GPHN: variants seen among roughly 807,000 people sequenced by gnomAD.
GPHN encodes the protein gephyrin.
Under a neutral mutation model 95.5 loss-of-function variants are expected in GPHN, and 17 were observed. The ratio of observed to expected loss-of-function variants is 0.18; its 90% CI spans 0.12 to 0.27. The LOEUF is 0.27. Among genes scored for constraint, GPHN ranks in the 10% least tolerant of loss-of-function variants. GPHN has a pLI of 1.00. For synonymous variants in GPHN, 320 were observed against 322.5 expected, an observed-to-expected ratio of 0.99 and a Z score of 0.08; for missense variants, 660 against 978.1, an observed-to-expected ratio of 0.67 and a Z score of 4.34.
chr14:67,285,354 T>C, the GPHN span, among the ~76,000 whole-genome samples: 1 of 151,500 alleles, frequency 6.6e-6, no homozygotes, highest in Non-Finnish European at 1.5e-5. Context: ...CAGATGGAGA[T>C]TCCTTAGGTA....
At chr14:67,361,257 G>A in the GPHN span, among the ~76,000 whole-genome samples, 2 of 152,196 alleles carry the variant, frequency 1.3e-5, 1 homozygote, top group South Asian at 4.1e-4. Flanking sequence ...AAGTATAGCA[G>A]AGAAGTCTTT....
At chr14:66,602,329 A>C (rs1200354107) in intron 1 of GPHN, among the ~76,000 whole-genome samples, 1 of 151,734 alleles carries the variant, frequency 6.6e-6, no homozygotes, top group East Asian at 1.9e-4. Context: ...CTAATCCATA[A>C]TTTTTTTTCA....
intron 5 of GPHN, among the ~76,000 whole-genome samples, chr14:66,892,605 CACTT>C (rs1456225663): frequency 6.6e-6 from 1 of 152,146 alleles, no homozygotes; most frequent in Non-Finnish European, 1.5e-5. Context: ...TTAATTCTAA[CACTT>C]GCTACAACAT....
the GPHN span, chr14:67,571,469 A>C: frequency 5.7e-6 from 2 of 350,906 alleles, no homozygotes; most frequent in East Asian, 8.7e-5. Flanking sequence ...CTGGCCCCCT[A>C]GTGGCAAGGA....
At chr14:67,167,153 C>G (rs1460756437) in intron 20 of GPHN, among the ~76,000 whole-genome samples, 1 of 152,092 alleles carries the variant, frequency 6.6e-6, no homozygotes, top group African/African-American at 2.4e-5. Flanking sequence ...TATAGATAAG[C>G]ATAAAAAAGT....
At chr14:67,007,925 T>C (rs1035765913) in intron 9 of GPHN, among the ~76,000 whole-genome samples, 4 of 152,148 alleles carry the variant, frequency 2.6e-5, no homozygotes, top group African/African-American at 9.7e-5. Context: ...CGTTTTTCAT[T>C]CCTTTTTTAC....
chr14:67,070,622 G>A (rs923937677), intron 11 of GPHN, among the ~76,000 whole-genome samples: 39 of 146,844 alleles, frequency 2.7e-4, no homozygotes, highest in Non-Finnish European at 3.7e-4. Flanking sequence ...TTTGAACCCG[G>A]GAGGTGGAGG....
intron 1 of GPHN, among the ~76,000 whole-genome samples, chr14:66,629,080 C>CAT (rs35164691): frequency 0.19 from 20,990 of 111,712 alleles, 2,653 homozygotes; most frequent in Non-Finnish European, 0.23. Context: ...AAAAAAAATA[C>CAT]ATATATATAT....
the GPHN span, among the ~76,000 whole-genome samples, chr14:67,246,742 C>T: frequency 6.7e-6 from 1 of 149,480 alleles, no homozygotes; most frequent in South Asian, 2.1e-4. Flanking sequence ...CTTCCCGCCT[C>T]CTGGGTTCAA....
At chr14:66,863,255 ATTAAC>A (rs929593694) in intron 4 of GPHN, among the ~76,000 whole-genome samples, 25 of 152,210 alleles carry the variant, frequency 1.6e-4, no homozygotes, top group African/African-American at 6.0e-4. Flanking sequence ...ATACCTAGGA[ATTAAC>A]TTAAAGAAGT....
the GPHN span, among the ~76,000 whole-genome samples, chr14:67,628,598 T>C: frequency 6.6e-6 from 1 of 152,222 alleles, no homozygotes; most frequent in Admixed American, 6.5e-5. Flanking sequence ...TCAAAAGTTT[T>C]TTGATACTTA....
intron 1 of GPHN, among the ~76,000 whole-genome samples, chr14:66,552,095 C>T (rs944571142): frequency 8.5e-5 from 13 of 152,160 alleles, no homozygotes; most frequent in African/African-American, 2.9e-4. Context: ...TTAGACACCT[C>T]CCTTTCATTT....
chr14:67,734,067 C>T, the GPHN span: 2 of 423,976 alleles, frequency 4.7e-6, no homozygotes, highest in Non-Finnish European at 4.5e-6. Context: ...GTGTTCTTCT[C>T]TAAGACCTGG....
At chr14:67,122,407 T>A (rs780344213) in intron 17 of GPHN, 30 bp downstream of exon 17, 1 of 1,603,080 alleles carries the variant, frequency 6.2e-7, no homozygotes, top group South Asian at 1.1e-5. Flanking sequence ...CTGAAAAGTT[T>A]GTATTGTACA....
intron 1 of GPHN, among the ~76,000 whole-genome samples, chr14:66,576,064 G>A (rs1391641072): frequency 6.6e-6 from 1 of 152,152 alleles, no homozygotes; most frequent in Non-Finnish European, 1.5e-5. Context: ...TAGATGTTGG[G>A]TCTGCTGGAC....
the GPHN span, chr14:67,684,683 C>A: frequency 6.0e-5 from 10 of 165,498 alleles, no homozygotes; most frequent in Middle Eastern, 2.9e-3. Context: ...TAAGCCACTG[C>A]GCCTGGCCTC....
the GPHN span, among the ~76,000 whole-genome samples, chr14:67,721,525 T>C: frequency 2.0e-5 from 3 of 152,122 alleles, no homozygotes; most frequent in Non-Finnish European, 2.9e-5. Context: ...TTTTCTTGTA[T>C]TTCTCCTCAT....
At chr14:67,252,304 A>G in the GPHN span, among the ~76,000 whole-genome samples, 2 of 152,086 alleles carry the variant, frequency 1.3e-5, no homozygotes, top group Non-Finnish European at 2.9e-5. Context: ...GGCGTGCACC[A>G]CCATACCTAG....
the GPHN span, among the ~76,000 whole-genome samples, chr14:67,209,171 C>T: frequency 6.6e-6 from 1 of 152,160 alleles, no homozygotes; most frequent in Non-Finnish European, 1.5e-5. Context: ...ACTTCCTATG[C>T]ACTAGGCATT....
Sources: allele counts gnomAD v4.1 joint callset (sites outside exome capture counted in the v4.1 genomes callset), GRCh38; gene constraint gnomAD v4.1.1; transcripts MANE v1.5; gene names NCBI Gene and HGNC (gene_info 2026-07-23, HGNC 2026-07-21).